The following SDCCAG8 variants were observed in gnomAD, a reference collection of about 807,000 sequenced individuals.
The protein encoded by SDCCAG8 is serologically defined colon cancer antigen 8.
Under a neutral mutation model 101.8 loss-of-function variants are expected in SDCCAG8, and 74 were observed. The ratio of observed to expected loss-of-function variants is 0.73; its 90% CI spans 0.60 to 0.88. SDCCAG8 has a LOEUF of 0.88. SDCCAG8 is among the 40% of genes least tolerant of loss of function. The pLI, the probability that SDCCAG8 is intolerant of heterozygous loss-of-function variation, is 0.00. For synonymous variants in SDCCAG8, 281 were observed against 292.9 expected, an observed-to-expected ratio of 0.96 and a Z score of 0.41; for missense variants, 787 against 822.6, an observed-to-expected ratio of 0.96 and a Z score of 0.53.
At position 243,401,355 on chromosome 1, in the gene SDCCAG8, G is replaced by A. The variant is rs184566051; in HGVS notation, c.1617-14347G>A. ...AACAGATTAAATCCCCAGGCAGTGG[G>A]ATAGCTTACTAAACTGGCTGACACA... On this transcript the variant is annotated intron_variant, in intron 13 of 17. Coordinates refer to ENST00000366541, the MANE Select transcript of SDCCAG8 (RefSeq NM_006642.5). Among the ~76,000 whole-genome samples, 247 of 152,350 alleles carry A rather than the reference G, an allele frequency of 1.6e-3. 1 individual carries two copies. Among genetic ancestry groups the A allele is most frequent in the Non-Finnish European group, 2.6e-3 (177 of 68,040 alleles).
intron 12 of SDCCAG8, among the ~76,000 whole-genome samples, chr1:243,353,556 T>A (rs1377270172): frequency 1.5e-5 from 2 of 135,346 alleles, no homozygotes; most frequent in Non-Finnish European, 3.1e-5. Flanking sequence ...AAGAAGAAAT[T>A]TATTTGGTTA....
intron 12 of SDCCAG8, among the ~76,000 whole-genome samples, chr1:243,358,363 C>T (rs1341151043): frequency 6.6e-6 from 1 of 151,958 alleles, no homozygotes; most frequent in East Asian, 1.9e-4. Flanking sequence ...AAAAGATGCT[C>T]AACATCATTA....
At chr1:243,367,197 A>G (rs2077037902) in intron 12 of SDCCAG8, among the ~76,000 whole-genome samples, 1 of 151,988 alleles carries the variant, frequency 6.6e-6, no homozygotes, top group African/African-American at 2.4e-5. Flanking sequence ...TTTCTTTGGT[A>G]ATTCTTTTAT....
chr1:243,386,768 T>TGAGAGAGAGAGAGAGAGAGA (rs112662776), intron 13 of SDCCAG8, among the ~76,000 whole-genome samples: 32 of 143,474 alleles, frequency 2.2e-4, no homozygotes, highest in African/African-American at 8.1e-4. Context: ...AGAAAGAAAG[T>TGAGAGAGAGAGAGAGAGAGA]GAGAGAGAGA....
At chr1:243,275,616 A>G (rs1294005778) in intron 4 of SDCCAG8, among the ~76,000 whole-genome samples, 1 of 152,108 alleles carries the variant, frequency 6.6e-6, no homozygotes, top group African/African-American at 2.4e-5. Flanking sequence ...TTTCATTAAC[A>G]ATACTCTATT....
chr1:243,496,040 T>C (rs1030112599), intron 17 of SDCCAG8, among the ~76,000 whole-genome samples: 1 of 152,352 alleles, frequency 6.6e-6, no homozygotes, highest in East Asian at 1.9e-4. Flanking sequence ...TAAAAGGAAG[T>C]GCCTCATATT....
chr1:243,476,925 C>A (rs1318834346), intron 16 of SDCCAG8, among the ~76,000 whole-genome samples: 3 of 151,786 alleles, frequency 2.0e-5, no homozygotes, highest in Non-Finnish European at 4.4e-5. Flanking sequence ...ATGCCTTTAT[C>A]CTTAGGAAAT....
At chr1:243,359,404 G>T (rs755053639) in intron 12 of SDCCAG8, among the ~76,000 whole-genome samples, 1 of 152,124 alleles carries the variant, frequency 6.6e-6, no homozygotes, top group Non-Finnish European at 1.5e-5. Context: ...TATACTTTCG[G>T]TGGGTGAATT....
At chr1:243,407,991 T>C (rs897206702) in intron 13 of SDCCAG8, among the ~76,000 whole-genome samples, 7 of 152,216 alleles carry the variant, frequency 4.6e-5, no homozygotes, top group Admixed American at 6.5e-5. Context: ...TTTTGGGTTC[T>C]TCTGAAACAT....
At chr1:243,361,604 C>G (rs1360656020) in intron 12 of SDCCAG8, among the ~76,000 whole-genome samples, 1 of 152,214 alleles carries the variant, frequency 6.6e-6, no homozygotes, top group Non-Finnish European at 1.5e-5. Flanking sequence ...CCACCCTTCC[C>G]CTGTCCATTC....
intron 12 of SDCCAG8, among the ~76,000 whole-genome samples, chr1:243,361,715 C>T (rs1399474551): frequency 6.6e-6 from 1 of 152,186 alleles, no homozygotes; most frequent in Non-Finnish European, 1.5e-5. Context: ...TTTGCTTAAC[C>T]AGCTCTTTTT....
intron 13 of SDCCAG8, among the ~76,000 whole-genome samples, chr1:243,401,965 G>A (rs1381477598): frequency 2.0e-5 from 3 of 152,120 alleles, no homozygotes; most frequent in Admixed American, 2.0e-4. Flanking sequence ...GTAGTTTTGG[G>A]CACCTGGTTA....
At chr1:243,294,696 T>TTCCC (rs796839957) in intron 6 of SDCCAG8, among the ~76,000 whole-genome samples, 53 of 62,202 alleles carry the variant, frequency 8.5e-4, no homozygotes, top group Non-Finnish European at 1.2e-3. Flanking sequence ...CTTTCTAAAT[T>TTCCC]CCCCCCCCCC....
intron 7 of SDCCAG8, 193 bp from the exon 8 acceptor site, chr1:243,307,796 A>G (rs2072305130): frequency 2.1e-6 from 3 of 1,449,584 alleles, no homozygotes; most frequent in South Asian, 3.0e-5. Flanking sequence ...GTCTCATCAT[A>G]TTCAACGTGT....
intron 16 of SDCCAG8, among the ~76,000 whole-genome samples, chr1:243,447,417 G>A (rs2083007885): frequency 6.6e-6 from 1 of 151,948 alleles, no homozygotes; most frequent in Admixed American, 6.5e-5. Flanking sequence ...TTTTATTTTG[G>A]GGGAGGAAGG....
chr1:243,328,426 G>C (rs981543988), intron 9 of SDCCAG8, among the ~76,000 whole-genome samples: 1 of 151,894 alleles, frequency 6.6e-6, no homozygotes, highest in East Asian at 1.9e-4. Flanking sequence ...TTACAGGCAC[G>C]CACCACCTGG....
At chr1:243,469,830 G>GTTTTTT (rs746906257) in intron 16 of SDCCAG8, among the ~76,000 whole-genome samples, 5 of 123,522 alleles carry the variant, frequency 4.0e-5, no homozygotes, top group Non-Finnish European at 5.1e-5. Flanking sequence ...GAAAGTGTTG[G>GTTTTTT]TTTTTTTTTT....
intron 12 of SDCCAG8, among the ~76,000 whole-genome samples, chr1:243,352,842 T>C (rs911389230): frequency 1.3e-4 from 20 of 152,230 alleles, no homozygotes; most frequent in Non-Finnish European, 2.8e-4. Flanking sequence ...TTTGCTTTTT[T>C]CATTTAACAT....
chr1:243,447,059 C>T (rs1256364556), intron 16 of SDCCAG8, among the ~76,000 whole-genome samples: 9 of 152,016 alleles, frequency 5.9e-5, no homozygotes, highest in Non-Finnish European at 1.0e-4. Context: ...CAAGACCAGC[C>T]TGGCCAACAT....
Sources: gnomAD v4.1 joint callset for allele counts (sites outside exome capture counted in the v4.1 genomes callset) on GRCh38, gnomAD v4.1.1 for gene constraint, MANE v1.5 for transcripts, NCBI Gene and HGNC (gene_info 2026-07-23, HGNC 2026-07-21) for gene names.